The following LYST variants were observed in gnomAD, a reference collection of about 807,000 sequenced individuals.
LYST encodes the protein lysosomal-trafficking regulator.
LYST carries 192 observed loss-of-function variants against 413.6 expected under a neutral mutation model. The ratio of observed to expected loss-of-function variants is 0.46; its 90% confidence interval spans 0.41 to 0.52. The LOEUF (loss-of-function observed/expected upper bound fraction) is 0.52, where lower values mean the gene tolerates loss of function less well. LYST is among the 20% of genes least tolerant of loss of function. LYST has a pLI of 0.00. For synonymous variants in LYST, 1,525 were observed against 1,567.3 expected, an observed-to-expected ratio of 0.97 and a Z score of 0.64; for missense variants, 3,815 against 4,499.9, an observed-to-expected ratio of 0.85 and a Z score of 4.35.
intron 24 of LYST, among the ~76,000 whole-genome samples, chr1:235,756,069 ATATC>A (rs1291813052): frequency 7.2e-6 from 1 of 139,480 alleles, no homozygotes; most frequent in Non-Finnish European, 1.6e-5. Flanking sequence ...ATCTGTATCT[ATATC>A]TATCCTAGAC....
rs555996031 is a variant in LYST at position 235,753,948 on chromosome 1, G to A, written c.7230-674C>T. 5.3e-5 allele frequency among the ~76,000 whole-genome samples: 8 copies of A among 152,194 alleles called. No homozygotes were observed. In the South Asian group the frequency reaches 1.5e-3, roughly 28 times the overall value. On this transcript the variant is annotated intron_variant, in intron 25 of 52. Transcript: ENST00000389793. The stretch of plus-strand genomic sequence containing the variant: ...TGTCTATCACAATAAGGAGACACAC[G>A]TTTCTCTCTATTCTATCATAAACAG...
intron 1 of LYST, among the ~76,000 whole-genome samples, chr1:235,841,361 G>A (rs892272399): frequency 6.6e-6 from 1 of 152,048 alleles, no homozygotes; most frequent in Admixed American, 6.6e-5. Flanking sequence ...TGGAAGAACC[G>A]TATTTTTAGG....
intron 1 of LYST, among the ~76,000 whole-genome samples, chr1:235,860,091 T>C (rs1169747998): frequency 6.6e-6 from 1 of 152,232 alleles, no homozygotes; most frequent in African/African-American, 2.4e-5. Flanking sequence ...ATATAGTTTC[T>C]GGACTTTACC....
chr1:235,803,575 A>G (rs1169939550), intron 7 of LYST, among the ~76,000 whole-genome samples: 1 of 152,138 alleles, frequency 6.6e-6, no homozygotes, highest in African/African-American at 2.4e-5. Context: ...AGAAGTCAAG[A>G]GTTCCAGTAC....
chr1:235,807,173 C>T (rs1243997839), intron 5 of LYST, among the ~76,000 whole-genome samples: 7 of 152,154 alleles, frequency 4.6e-5, no homozygotes, highest in African/African-American at 9.7e-5. Flanking sequence ...TTAGTTTGTC[C>T]GCCTGATGGT....
chr1:235,758,417 G>A (rs775893983), intron 23 of LYST, among the ~76,000 whole-genome samples: 15 of 152,158 alleles, frequency 9.9e-5, no homozygotes, highest in Admixed American at 2.6e-4. Context: ...TGCTTTCTGA[G>A]GCCATTTTAG....
At chr1:235,859,151 CTTTTCG>C (rs1679568195) in intron 1 of LYST, among the ~76,000 whole-genome samples, 1 of 152,176 alleles carries the variant, frequency 6.6e-6, no homozygotes, top group African/African-American at 2.4e-5. Context: ...ACCCCATTTC[CTTTTCG>C]TTTTTAAACA....
chr1:235,699,707 C>T (rs983795571), intron 45 of LYST, among the ~76,000 whole-genome samples: 39 of 152,180 alleles, frequency 2.6e-4, no homozygotes, highest in Non-Finnish European at 4.6e-4. Context: ...GGTGTAAAAG[C>T]GTTCCTATTT....
At chr1:235,730,294 T>C (rs1300340049) in intron 36 of LYST, among the ~76,000 whole-genome samples, 2 of 151,988 alleles carry the variant, frequency 1.3e-5, no homozygotes, top group East Asian at 3.8e-4. Flanking sequence ...AACAACGCTA[T>C]GATACCTATT....
At chr1:235,752,898 A>T (rs995686308) in intron 26 of LYST, 146 bp downstream of exon 26, 10 of 506,702 alleles carry the variant, frequency 2.0e-5, no homozygotes, top group South Asian at 1.8e-4. Context: ...TGTTATTATT[A>T]TTTTTTTACT....
intron 42 of LYST, 130 bp from the exon 43 acceptor site, chr1:235,712,327 A>G: frequency 1.4e-6 from 1 of 693,510 alleles, no homozygotes; most frequent in South Asian, 2.2e-5. Flanking sequence ...CCATAGTTTA[A>G]AAGAAGTTAT....
chr1:235,672,910 C>A (rs904184498), intron 50 of LYST, among the ~76,000 whole-genome samples: 3 of 152,108 alleles, frequency 2.0e-5, no homozygotes, highest in East Asian at 1.9e-4. Flanking sequence ...TGTCTTCCAC[C>A]CTTTACTCAC....
chr1:235,740,695 C>T (rs778825375), intron 31 of LYST, among the ~76,000 whole-genome samples: 3 of 152,178 alleles, frequency 2.0e-5, no homozygotes, highest in Admixed American at 1.3e-4. Context: ...TGTGTTTGTA[C>T]ATTCTTCTGT....
chr1:235,770,426 C>T lies in LYST; in HGVS notation c.5785-129G>A, dbSNP rs1412780818. 3.5e-6 allele frequency: 3 copies of T among 867,372 alleles called. No homozygotes were observed. In the Admixed American group the frequency reaches 5.9e-5, roughly 17 times the overall value. 53.7% of individuals were successfully genotyped at this position (867,372 alleles called of 1,614,324 possible). A position where few individuals can be genotyped will look rare whatever the true frequency, so the allele number is the denominator to read the frequency against. On this transcript the variant is annotated intron_variant, in intron 19 of 52. Transcript: ENST00000389793. ...TTCAGTATCAAAGATTACATGTCTG[C>T]AAAAAGCCAATGTTAAAATTTATTC... is the stretch of plus-strand genomic sequence containing the variant.
chr1:235,785,183 A>C lies in LYST; in HGVS notation c.4862+2017T>G, dbSNP rs186162492. On this transcript the variant is annotated intron_variant, in intron 14 of 52. Transcript: ENST00000389793. ...CAGGGCAAATTCCATCTCCTCCTTC[A>C]GGTCTCAGGTTTAATACCCTGTTCT... 2.5e-4 allele frequency among the ~76,000 whole-genome samples: 38 copies of C among 152,224 alleles called. No individual in the cohort carries two copies. The East Asian group carries it at 6.9e-3, about 28-fold the overall frequency.
intron 10 of LYST, among the ~76,000 whole-genome samples, chr1:235,795,279 C>A (rs1209143058): frequency 3.3e-5 from 5 of 152,194 alleles, no homozygotes; most frequent in Non-Finnish European, 7.3e-5. Context: ...CCTGATAACT[C>A]TTCTCTAAAT....
Position 235,770,263 on chromosome 1 carries a change from T to C in LYST, c.5819A>G (p.Glu1940Gly). Residue 1940 changes from glutamate (E) to glycine (G), a missense_variant, in exon 20 of 53, where the codon GAA becomes GGA. Glu to Gly is a moderately conservative substitution (Grantham distance 98). Coordinates refer to ENST00000389793, the MANE Select transcript of LYST (RefSeq NM_000081.4). ...GVWETLLAAL[E>G]VLIRADHHQQ... ...GTGGTGATCTGCTCTGATGAGGACT[T>C]CTAGAGCTGCTAGCAAAGTTTCCCA... 1 of 1,613,688 alleles carries C rather than the reference T, an allele frequency of 6.2e-7. No individual in the cohort carries two copies. The highest frequency in any genetic ancestry group is 8.5e-7 in the Non-Finnish European group (1 of 1,179,700).
At chr1:235,767,640 A>AT (rs942152149) in intron 20 of LYST, among the ~76,000 whole-genome samples, 8 of 151,322 alleles carry the variant, frequency 5.3e-5, no homozygotes, top group African/African-American at 2.0e-4. Flanking sequence ...CTATTTTATT[A>AT]TTTTTTTAAT....
At position 235,662,050 on chromosome 1, in the gene LYST, C is replaced by G. The variant is rs1256350299; in HGVS notation, c.*890G>C. 6.6e-6 allele frequency: 1 copy of G among 152,104 alleles called. No homozygotes were observed. Among genetic ancestry groups the G allele is most frequent in the Non-Finnish European group, 1.5e-5 (1 of 68,012 alleles). The allele number at this position is 152,104 out of a possible 1,614,324, so 9.4% of individuals were successfully genotyped here. On this transcript the variant is annotated 3_prime_UTR_variant, in exon 53 of 53. Transcript: ENST00000389793. ...TCTTCCTGCAGATTAGATCAAATGC[C>G]TTATTTAGGCTGTGTTCTTAATACC... is the stretch of plus-strand genomic sequence containing the variant.
Sources: gnomAD v4.1 joint callset for allele counts (sites outside exome capture counted in the v4.1 genomes callset) on GRCh38, gnomAD v4.1.1 for gene constraint, MANE v1.5 for transcripts, NCBI Gene and HGNC (gene_info 2026-07-23, HGNC 2026-07-21) for gene names.